The following CEMIP variants were observed in gnomAD, a reference collection of about 807,000 sequenced individuals.
CEMIP encodes the protein cell migration-inducing and hyaluronan-binding protein.
Under a neutral mutation model 156.9 loss-of-function variants are expected in CEMIP, and 105 were observed. The ratio of observed to expected loss-of-function variants is 0.67; its 90% CI spans 0.57 to 0.79. CEMIP has a LOEUF of 0.79. Ranked by LOEUF, CEMIP falls within the 30% of genes least tolerant of loss-of-function variation. CEMIP has a pLI of 0.00. For synonymous variants in CEMIP, 676 were observed against 668.4 expected, an observed-to-expected ratio of 1.01 and a Z score of -0.17; for missense variants, 1,457 against 1,769.4, an observed-to-expected ratio of 0.82 and a Z score of 3.17.
chr15:80,914,796 T>G (rs1458290227), intron 14 of CEMIP, among the ~76,000 whole-genome samples: 2 of 152,202 alleles, frequency 1.3e-5, no homozygotes, highest in East Asian at 3.9e-4. Context: ...ACAGGGGAAT[T>G]GCAATAAAGA....
In CEMIP at chr15:80,895,130, G is replaced by C; in HGVS notation, c.1219+8G>C. On this transcript the variant is annotated splice_region_variant and intron_variant, in intron 11 of 29. Coordinates refer to ENST00000394685, the MANE Select transcript of CEMIP (RefSeq NM_001293298.2). ...TCCTCTGTGGGAAGCCTGGTAAGCA[G>C]CCCCTTGTCGGGGACACAGATGCAA... 2 of 1,614,154 alleles carry C rather than the reference G, an allele frequency of 1.2e-6. No homozygotes were observed. Among genetic ancestry groups the C allele is most frequent in the Non-Finnish European group, 1.7e-6 (2 of 1,180,010 alleles).
At chr15:80,781,679 A>G (rs552708138) in intron 1 of CEMIP, among the ~76,000 whole-genome samples, 2 of 152,316 alleles carry the variant, frequency 1.3e-5, no homozygotes, top group South Asian at 4.1e-4. Flanking sequence ...ATTTTGAGAC[A>G]GCATCTGTGA....
At chr15:80,850,833 A>T (rs1046373029) in intron 1 of CEMIP, among the ~76,000 whole-genome samples, 2 of 152,260 alleles carry the variant, frequency 1.3e-5, no homozygotes, top group African/African-American at 2.4e-5. Flanking sequence ...GAGAAGGTGA[A>T]GGTGCAGAGA....
intron 17 of CEMIP, 32 bp from the exon 18 acceptor site, chr15:80,924,589 C>A (rs150122971): frequency 1.3e-6 from 2 of 1,598,014 alleles, no homozygotes; most frequent in Non-Finnish European, 1.7e-6. Context: ...ACAGTAGAAA[C>A]TAATGTGTCC....
intron 25 of CEMIP, 36 bp from the exon 26 acceptor site, chr15:80,941,813 T>A (rs746561923): frequency 6.3e-7 from 1 of 1,597,656 alleles, no homozygotes; most frequent in East Asian, 2.2e-5. Flanking sequence ...GGTTTGAGTG[T>A]CCAAGCAAAT....
chr15:80,874,136 G>A (rs1357545507), intron 3 of CEMIP, among the ~76,000 whole-genome samples, 163 bp downstream of exon 3: 5 of 152,232 alleles, frequency 3.3e-5, no homozygotes, highest in African/African-American at 1.2e-4. Flanking sequence ...TCCCCGGCAC[G>A]TTTCGTCCTG....
chr15:80,829,965 G>GGGGTGTGTGTGTGTGTGT (rs1555428874), intron 1 of CEMIP, among the ~76,000 whole-genome samples: 2 of 133,710 alleles, frequency 1.5e-5, no homozygotes, highest in African/African-American at 5.8e-5. Flanking sequence ...GGAGGTAGCG[G>GGGGTGTGTGTGTGTGTGT]GTGTGTGTGT....
At chr15:80,784,591 GC>G (rs757374138) in intron 1 of CEMIP, among the ~76,000 whole-genome samples, 1 of 152,198 alleles carries the variant, frequency 6.6e-6, no homozygotes, top group Non-Finnish European at 1.5e-5. Context: ...ACTGCTTGCT[GC>G]TTACTGTGAC....
At chr15:80,844,547 G>A (rs1897508255) in intron 1 of CEMIP, among the ~76,000 whole-genome samples, 1 of 152,128 alleles carries the variant, frequency 6.6e-6, no homozygotes, top group Non-Finnish European at 1.5e-5. Context: ...CCCCCCAGAT[G>A]ACTCACAGAG....
chr15:80,802,665 T>C (rs12438379), intron 1 of CEMIP, among the ~76,000 whole-genome samples: 26,964 of 152,230 alleles, frequency 0.18, 2,556 homozygotes, highest in East Asian at 0.27. Context: ...CTGAAATAAA[T>C]CTATTGGTTG....
chr15:80,898,187 T>C (rs539625580), intron 12 of CEMIP, among the ~76,000 whole-genome samples: 7 of 152,180 alleles, frequency 4.6e-5, no homozygotes, highest in Non-Finnish European at 1.0e-4. Flanking sequence ...ATAAAGAACA[T>C]GGGCTTTGGA....
intron 1 of CEMIP, among the ~76,000 whole-genome samples, chr15:80,804,964 TG>T (rs957707914): frequency 1.7e-4 from 26 of 152,272 alleles, no homozygotes; most frequent in African/African-American, 6.0e-4. Context: ...GATCCAAAGC[TG>T]GGAGCAAGTC....
chr15:80,879,663 A>G (rs1346056097), intron 4 of CEMIP, 53 bp from the exon 5 acceptor site: 1 of 1,612,290 alleles, frequency 6.2e-7, no homozygotes, highest in East Asian at 2.2e-5. Context: ...CTCTGATATA[A>G]CCTTACCCTT....
At chr15:80,783,894 A>G (rs1048395697) in intron 1 of CEMIP, among the ~76,000 whole-genome samples, 8 of 152,182 alleles carry the variant, frequency 5.3e-5, no homozygotes, top group Non-Finnish European at 1.0e-4. Context: ...GGAAACACAC[A>G]TGGCCACCCA....
intron 3 of CEMIP, among the ~76,000 whole-genome samples, chr15:80,877,711 T>C (rs1478707017): frequency 6.6e-6 from 1 of 152,222 alleles, no homozygotes; most frequent in African/African-American, 2.4e-5. Flanking sequence ...TATGTGAACA[T>C]TGAGACTCTT....
intron 25 of CEMIP, among the ~76,000 whole-genome samples, chr15:80,939,911 A>C (rs1901276439): frequency 6.6e-6 from 1 of 152,184 alleles, no homozygotes; most frequent in African/African-American, 2.4e-5. Flanking sequence ...ATTAGGGGTA[A>C]AATTAAAATA....
intron 12 of CEMIP, among the ~76,000 whole-genome samples, chr15:80,898,110 C>T (rs2141865517): frequency 6.6e-6 from 1 of 152,316 alleles, no homozygotes; most frequent in Middle Eastern, 3.4e-3. Context: ...CTGTTGGTCA[C>T]ATTCTATGAA....
intron 1 of CEMIP, among the ~76,000 whole-genome samples, chr15:80,794,773 C>G (rs1302522582): frequency 6.7e-6 from 1 of 149,750 alleles, no homozygotes; most frequent in African/African-American, 2.5e-5. Flanking sequence ...GGGAGAGAGA[C>G]AAATATAAAA....
Position 80,951,137 on chromosome 15 carries a change from C to T in CEMIP, c.*2213C>T, listed in dbSNP as rs1901802276. 1 of 152,610 alleles carries T rather than the reference C, an allele frequency of 6.6e-6. No homozygotes were observed. The highest frequency in any genetic ancestry group is 2.1e-4 in the South Asian group (1 of 4,828). 9.5% of individuals were successfully genotyped at this position (152,610 alleles called of 1,614,324 possible). ...AAAATGACCTCATGTCCTTCTTGTCCACGGTTTTGTTGAGTTTTCACTCTT... is the reference window on the plus strand; with the variant it reads ...AAAATGACCTCATGTCCTTCTTGTCTACGGTTTTGTTGAGTTTTCACTCTT... On this transcript the variant is annotated 3_prime_UTR_variant, in exon 30 of 30. Transcript: ENST00000394685.
Sources: allele counts gnomAD v4.1 joint callset (sites outside exome capture counted in the v4.1 genomes callset), GRCh38; gene constraint gnomAD v4.1.1; transcripts MANE v1.5; gene names NCBI Gene and HGNC (gene_info 2026-07-23, HGNC 2026-07-21).